Variants in ROCK2 observed in about 807,000 individuals in gnomAD.
ROCK2 encodes the protein rho-associated protein kinase 2.
Under a neutral mutation model 195.1 loss-of-function variants are expected in ROCK2, and 61 were observed. That is an observed-to-expected ratio of 0.31 (90% confidence interval 0.25 to 0.39). ROCK2 has a LOEUF of 0.39. Ranked by LOEUF, ROCK2 falls within the 10% of genes least tolerant of loss-of-function variation. ROCK2 has a pLI of 1.00. For missense variants in ROCK2, 1,109 were observed against 1,637.4 expected (o/e 0.68, Z 5.57); for synonymous variants, 504 against 545.5 (o/e 0.92, Z 1.06).
intron 23 of ROCK2, among the ~76,000 whole-genome samples, chr2:11,199,069 T>G: frequency 6.7e-6 from 1 of 150,350 alleles, no homozygotes; most frequent in African/African-American, 2.5e-5. Context: ...CCTGGCTAAT[T>G]TTTATAGTTT....
At chr2:11,337,013 C>T (rs894656477) in intron 1 of ROCK2, among the ~76,000 whole-genome samples, 2 of 152,100 alleles carry the variant, frequency 1.3e-5, no homozygotes, top group Non-Finnish European at 2.9e-5. Flanking sequence ...GAGGCCAAGG[C>T]GGGTGGATCA....
intron 5 of ROCK2, among the ~76,000 whole-genome samples, chr2:11,230,503 T>C (rs1235214723): frequency 1.3e-5 from 2 of 152,078 alleles, no homozygotes; most frequent in African/African-American, 2.4e-5. Flanking sequence ...TTCTAAGCCA[T>C]AAAGTACTGT....
chr2:11,247,192 AGGGGCAGG>A (rs575256931), intron 4 of ROCK2, among the ~76,000 whole-genome samples: 3 of 152,070 alleles, frequency 2.0e-5, no homozygotes, highest in African/African-American at 7.2e-5. Flanking sequence ...AGCAGTTGGC[AGGGGCAGG>A]GGGGCAGGTG....
chr2:11,222,089 T>C lies in ROCK2; in HGVS notation c.1093A>G (p.Arg365Gly). The C allele has an allele frequency of 6.3e-7, 1 of 1,589,740 alleles. No individual in the cohort carries two copies. The highest frequency in any genetic ancestry group is 8.6e-7 in the Non-Finnish European group (1 of 1,158,516). ...KNDQWHWDNI[R>G]ETAAPVVPEL... is the part of the protein sequence containing the mutation. ...TTTAGGTTTATTGACTTACTTTCTC[T>C]TATGTTATCCCAATGCCACTGATCA... The change falls in exon 8 of 33, where the codon AGA (arginine) becomes GGA (glycine). Residue 365 changes from arginine (R) to glycine (G), a missense_variant. Physicochemically the swap from Arg to Gly is moderately radical, Grantham distance 125. Transcript: ENST00000315872.
intron 3 of ROCK2, among the ~76,000 whole-genome samples, chr2:11,255,862 G>T (rs1666012405): frequency 7.2e-6 from 1 of 139,452 alleles, no homozygotes; most frequent in South Asian, 2.3e-4. Flanking sequence ...AGGGGTTGCA[G>T]TGAGCCGAGA....
chr2:11,308,726 G>A (rs1373004210), intron 1 of ROCK2: 50 of 1,611,372 alleles, frequency 3.1e-5, no homozygotes, highest in Non-Finnish European at 4.0e-5. Context: ...ATTAACCAAA[G>A]GTGCAGCTAT....
chr2:11,322,361 A>C (rs936957001), intron 1 of ROCK2, among the ~76,000 whole-genome samples: 1 of 151,620 alleles, frequency 6.6e-6, no homozygotes, highest in Non-Finnish European at 1.5e-5. Context: ...AGGTATCACT[A>C]GTGTGTGTAT....
chr2:11,304,630 G>A lies in ROCK2; in HGVS notation c.142-16894C>T, dbSNP rs546579989. Among the ~76,000 whole-genome samples the A allele has an allele frequency of 1.6e-4, 24 of 152,204 alleles. No homozygotes were observed. The East Asian group carries it at 2.3e-3, about 15-fold the overall frequency. On this transcript the variant is annotated intron_variant, in intron 1 of 32. Transcript: ENST00000315872. Reference sequence around the variant, plus strand: ...CACTCCTCTGTTCAAAACCTCCAACGGCTTCCCATTTCATTGAGAGTAAAG... The same window carrying A: ...CACTCCTCTGTTCAAAACCTCCAACAGCTTCCCATTTCATTGAGAGTAAAG...
At chr2:11,310,736 C>T (rs1306605794) in intron 1 of ROCK2, among the ~76,000 whole-genome samples, 5 of 151,950 alleles carry the variant, frequency 3.3e-5, no homozygotes, top group Non-Finnish European at 7.4e-5. Context: ...AAGAAAGAAT[C>T]ATAGGTTGTA....
intron 1 of ROCK2, among the ~76,000 whole-genome samples, chr2:11,289,336 C>T (rs1290030296): frequency 6.6e-6 from 1 of 152,048 alleles, no homozygotes; most frequent in Admixed American, 6.6e-5. Context: ...GCATATTAGG[C>T]TATTTTTAAG....
rs1402053061 is a variant in ROCK2 at position 11,317,601 on chromosome 2, TATATA to T, written c.141+26390_141+26394del. On this transcript the variant is annotated intron_variant, in intron 1 of 32. Transcript: ENST00000315872. ...TTATATATATATATATATATATATA[TATATA>T]TATATATTTTTTTTTTTTTTTAATT... Among the ~76,000 whole-genome samples the T allele has an allele frequency of 7.0e-4, 13 of 18,566 alleles. 1 individual carries two copies. Among genetic ancestry groups the T allele is most frequent in the East Asian group, 0.011 (2 of 188 alleles). 12.2% of individuals were successfully genotyped at this position (18,566 alleles called of 152,430 possible).
At chr2:11,215,672 A>G (rs1664401658) in intron 13 of ROCK2, 27 bp from the exon 14 acceptor site, 1 of 1,553,692 alleles carries the variant, frequency 6.4e-7, no homozygotes, top group Non-Finnish European at 8.7e-7. Flanking sequence ...AGTTATTATC[A>G]AAAAAGTATG....
Position 11,219,042 on chromosome 2 carries a change from G to T in ROCK2, c.1260-16C>A. 2.2e-6 allele frequency: 3 copies of T among 1,376,098 alleles called. No homozygotes were observed. In the South Asian group the frequency reaches 4.3e-5, roughly 20 times the overall value. 85.2% of individuals were successfully genotyped at this position (1,376,098 alleles called of 1,614,324 possible). On this transcript the variant is annotated splice_polypyrimidine_tract_variant and intron_variant, in intron 9 of 32. Transcript: ENST00000315872. The stretch of plus-strand genomic sequence containing the variant: ...ACTTAATAATCTACATGGAAGGGGG[G>T]AGAAAATAAATTTTTTCATTTCATT...
rs1663863952 is a variant in ROCK2, at chr2:11,201,860, A to G, written c.2619+192T>C. ...ATGAAAATATTTTCTTCCTGAAAAC[A>G]ATGCTGTTAATCAGCTTCACCAGGT... is the stretch of plus-strand genomic sequence containing the variant. On this transcript the variant is annotated intron_variant, in intron 21 of 32. Coordinates refer to ENST00000315872, the MANE Select transcript of ROCK2 (RefSeq NM_004850.5). This position sits in a 1 kb window ranked among gnomAD's most constrained non-coding sequence, Gnocchi z 4.6. Among the ~76,000 whole-genome samples, 1 of 152,210 alleles carries G rather than the reference A, an allele frequency of 6.6e-6. No homozygotes were observed. Among genetic ancestry groups the G allele is most frequent in the Admixed American group, 6.5e-5 (1 of 15,286 alleles).
chr2:11,318,008 A>G (rs1668279734), intron 1 of ROCK2, among the ~76,000 whole-genome samples: 1 of 152,020 alleles, frequency 6.6e-6, no homozygotes, highest in Non-Finnish European at 1.5e-5. Flanking sequence ...AATCCAGTCT[A>G]TCATTGTTGG....
intron 18 of ROCK2, among the ~76,000 whole-genome samples, chr2:11,211,116 T>C (rs1268223590): frequency 6.6e-6 from 1 of 152,154 alleles, no homozygotes; most frequent in Non-Finnish European, 1.5e-5. Context: ...TAAAGTCTAG[T>C]TTATGGGAAG....
At chr2:11,231,317 C>T (rs183619019) in intron 5 of ROCK2, among the ~76,000 whole-genome samples, 39 of 152,130 alleles carry the variant, frequency 2.6e-4, no homozygotes, top group Admixed American at 2.2e-3. Flanking sequence ...GATTCTCCTG[C>T]CTCAGTCACC....
chr2:11,284,950 C>T (rs941723166), intron 3 of ROCK2, among the ~76,000 whole-genome samples: 1 of 152,112 alleles, frequency 6.6e-6, no homozygotes, highest in South Asian at 2.1e-4. Context: ...TACCATTGCT[C>T]CCAAACAAGT....
At chr2:11,254,335 G>C (rs1053010830) in intron 3 of ROCK2, among the ~76,000 whole-genome samples, 2 of 152,130 alleles carry the variant, frequency 1.3e-5, no homozygotes, top group African/African-American at 4.8e-5. Flanking sequence ...CCAGTGTGCA[G>C]CATATAATTG....
Sources: allele counts gnomAD v4.1 joint callset (sites outside exome capture counted in the v4.1 genomes callset), GRCh38; gene constraint gnomAD v4.1.1; non-coding constraint Gnocchi (gnomAD v3.1); transcripts MANE v1.5; gene names NCBI Gene and HGNC (gene_info 2026-07-23, HGNC 2026-07-21).